Variants in LIMCH1 observed in about 807,000 individuals in gnomAD.
LIMCH1 encodes the protein LIM and calponin homology domains 1, also known as LIM and calponin homology domains-containing protein 1.
In LIMCH1, 113 loss-of-function variants were observed where a neutral mutation model predicts 176.5. The ratio of observed to expected loss-of-function variants is 0.64; its 90% CI spans 0.55 to 0.75. The LOEUF (loss-of-function observed/expected upper bound fraction) is 0.75, where lower values mean the gene tolerates loss of function less well. LIMCH1 is among the 30% of genes least tolerant of loss of function. The pLI, the probability that LIMCH1 is intolerant of heterozygous loss-of-function variation, is 0.00. For synonymous variants in LIMCH1, 619 were observed against 645.9 expected, an observed-to-expected ratio of 0.96 and a Z score of 0.63; for missense variants, 1,674 against 1,814.9, an observed-to-expected ratio of 0.92 and a Z score of 1.41.
chr4:41,612,458 A>G, intron 4 of LIMCH1: 3 of 688,908 alleles, frequency 4.4e-6, no homozygotes, highest in East Asian at 2.7e-5. Flanking sequence ...TGTTATCCAC[A>G]GTCCTAATTT....
chr4:41,538,171 A>G lies in LIMCH1; in HGVS notation c.-420A>G, dbSNP rs111543943. 1 of 985,512 alleles carries G rather than the reference A, an allele frequency of 1.0e-6. No homozygotes were observed. The highest frequency in any genetic ancestry group is 1.1e-4 in the East Asian group (1 of 8,808). 61.0% of individuals were successfully genotyped at this position (985,512 alleles called of 1,614,324 possible). ...TTCACTGCATCAGCATTTCAGCCGC[A>G]GCAGCCTGCTTGTGGACAGAGCAGG... On this transcript the variant is annotated 5_prime_UTR_variant, in exon 1 of 32. Coordinates refer to ENST00000503057, the MANE Select transcript of LIMCH1 (RefSeq NM_001330672.2).
chr4:41,535,079 C>G (rs2077731267), upstream of LIMCH1, among the ~76,000 whole-genome samples: 1 of 149,614 alleles, frequency 6.7e-6, no homozygotes, highest in African/African-American at 2.5e-5. Flanking sequence ...GGAGAATCAC[C>G]TGGGCCTGGG....
chr4:41,661,120 C>T (rs1006592341), intron 18 of LIMCH1, among the ~76,000 whole-genome samples: 2 of 149,516 alleles, frequency 1.3e-5, no homozygotes, highest in African/African-American at 5.0e-5. Context: ...CTTTCAAGAA[C>T]AAGTAGGTGA....
At position 41,603,906 on chromosome 4, in the gene LIMCH1, G is replaced by A; in HGVS notation, c.-103+1G>A. The A allele has an allele frequency of 6.2e-7, 1 of 1,607,402 alleles. No homozygotes were observed. Among genetic ancestry groups the A allele is most frequent in the Non-Finnish European group, 8.5e-7 (1 of 1,174,784 alleles). ...TGATTATAGTAGGAAGCTGAAAAATGTAAGTGTTTTAACTTCCAAACTTGT... is the reference window on the plus strand; with the variant it reads ...TGATTATAGTAGGAAGCTGAAAAATATAAGTGTTTTAACTTCCAAACTTGT... On this transcript the variant is annotated splice_donor_variant, in intron 3 of 31. Coordinates refer to ENST00000503057, the MANE Select transcript of LIMCH1 (RefSeq NM_001330672.2). LOFTEE classifies it low-confidence loss of function (5UTR_SPLICE).
intron 1 of LIMCH1, among the ~76,000 whole-genome samples, chr4:41,555,742 G>GTTATT (rs753689387): frequency 7.2e-5 from 11 of 151,980 alleles, no homozygotes; most frequent in Admixed American, 6.6e-5. Flanking sequence ...ACTGTAGAGT[G>GTTATT]TTATTTTATT....
intron 1 of LIMCH1, among the ~76,000 whole-genome samples, chr4:41,384,183 G>A (rs377009577): frequency 6.6e-6 from 1 of 151,902 alleles, no homozygotes; most frequent in Non-Finnish European, 1.5e-5. Flanking sequence ...TAGACAGTGA[G>A]GGGTCCTTCA....
intron 1 of LIMCH1, among the ~76,000 whole-genome samples, chr4:41,485,772 A>G (rs1427071761): frequency 6.6e-6 from 1 of 152,178 alleles, no homozygotes; most frequent in African/African-American, 2.4e-5. Flanking sequence ...GAATGGTAGC[A>G]TGATTTAATT....
chr4:41,684,670 A>G, intron 27 of LIMCH1, 152 bp downstream of exon 27: 1 of 786,300 alleles, frequency 1.3e-6, no homozygotes, highest in South Asian at 3.2e-5. Context: ...ATAAACTTCT[A>G]CCATCGTGTG....
intron 1 of LIMCH1, among the ~76,000 whole-genome samples, chr4:41,361,868 T>A (rs1402041424): frequency 6.6e-6 from 1 of 152,140 alleles, no homozygotes; most frequent in Non-Finnish European, 1.5e-5. Flanking sequence ...CTTCAATGGG[T>A]GGCCTTTCTG....
intron 18 of LIMCH1, among the ~76,000 whole-genome samples, chr4:41,654,896 C>G (rs2094420916): frequency 6.6e-6 from 1 of 152,182 alleles, no homozygotes; most frequent in Admixed American, 6.5e-5. Context: ...TTCAGCATCT[C>G]TGTTAAAGGC....
rs1384327416 is a variant in LIMCH1, at chr4:41,698,744, A to G, written c.*1559A>G. The G allele has an allele frequency of 6.6e-6, 1 of 152,648 alleles. No individual in the cohort carries two copies. The highest frequency in any genetic ancestry group is 1.5e-5 in the Non-Finnish European group (1 of 68,030). The allele number at this position is 152,648 out of a possible 1,614,324, so 9.5% of individuals were successfully genotyped here. On this transcript the variant is annotated 3_prime_UTR_variant, in exon 32 of 32. Transcript: ENST00000503057. Reference sequence around the variant, plus strand: ...GATGGGTTCTTTGCATGTGGGTTCCATATAGGTGCAGAAATTTCCTCAGCC... The same window carrying G: ...GATGGGTTCTTTGCATGTGGGTTCCGTATAGGTGCAGAAATTTCCTCAGCC...
At chr4:41,506,968 G>A (rs1213684006) in intron 2 of LIMCH1, among the ~76,000 whole-genome samples, 2 of 152,142 alleles carry the variant, frequency 1.3e-5, no homozygotes, top group Non-Finnish European at 2.9e-5. Flanking sequence ...AGGTCCTCAG[G>A]TGATCCACAA....
intron 1 of LIMCH1, among the ~76,000 whole-genome samples, chr4:41,581,683 G>T (rs577325234): frequency 4.8e-4 from 73 of 151,908 alleles, no homozygotes; most frequent in Non-Finnish European, 9.0e-4. Context: ...GCATGCACCT[G>T]TAGTCCCAGC....
At chr4:41,482,048 G>A (rs570093571) in intron 1 of LIMCH1, among the ~76,000 whole-genome samples, 63 of 152,058 alleles carry the variant, frequency 4.1e-4, no homozygotes, top group Non-Finnish European at 7.8e-4. Flanking sequence ...ATGGGGTTTC[G>A]CCATGTTGGC....
intron 1 of LIMCH1, among the ~76,000 whole-genome samples, chr4:41,387,890 A>G (rs1170520538): frequency 6.6e-6 from 1 of 152,166 alleles, no homozygotes; most frequent in East Asian, 1.9e-4. Flanking sequence ...CGGGTGGATC[A>G]CCTGAGCTCA....
chr4:41,626,411 A>G (rs1561975731), intron 7 of LIMCH1, among the ~76,000 whole-genome samples: 1 of 152,130 alleles, frequency 6.6e-6, no homozygotes. Context: ...CCCCAATTTC[A>G]TGCAAAGAAT....
chr4:41,551,145 T>C (rs1435668079), intron 1 of LIMCH1: 2 of 152,206 alleles, frequency 1.3e-5, no homozygotes, highest in East Asian at 1.9e-4. Context: ...CCATTCAAGA[T>C]GAGAAGTAAG....
At chr4:41,627,627 A>G (rs1461168670) in intron 8 of LIMCH1, among the ~76,000 whole-genome samples, 4 of 152,246 alleles carry the variant, frequency 2.6e-5, no homozygotes, top group South Asian at 2.1e-4. Context: ...TCCTTTTGCC[A>G]ACATTTTCCC....
intron 1 of LIMCH1, among the ~76,000 whole-genome samples, chr4:41,454,450 G>GAGA (rs2064281701): frequency 8.1e-5 from 12 of 148,364 alleles, no homozygotes; most frequent in African/African-American, 3.0e-4. Context: ...ATGATGAGGG[G>GAGA]GAGAGAGAGA....
Sources: gnomAD v4.1 joint callset for allele counts (sites outside exome capture counted in the v4.1 genomes callset) on GRCh38, gnomAD v4.1.1 for gene constraint, MANE v1.5 for transcripts, NCBI Gene and HGNC (gene_info 2026-07-23, HGNC 2026-07-21) for gene names.